MAML3: variants seen among roughly 807,000 people sequenced by gnomAD.
MAML3 encodes the protein mastermind like transcriptional coactivator 3.
A neutral mutation model predicts 101.9 loss-of-function variants in MAML3; 27 were observed. The ratio of observed to expected loss-of-function variants is 0.27; its 90% confidence interval spans 0.20 to 0.37. The LOEUF is 0.37. MAML3 is among the 10% of genes least tolerant of loss of function. The probability of loss-of-function intolerance (pLI) is 1.00; values close to 1 mark genes in which losing one functional copy is unlikely to be tolerated. For synonymous variants in MAML3, 501 were observed against 555.9 expected, an observed-to-expected ratio of 0.90 and a Z score of 1.39; for missense variants, 1,316 against 1,444.9, an observed-to-expected ratio of 0.91 and a Z score of 1.45.
intron 2 of MAML3, among the ~76,000 whole-genome samples, chr4:139,751,052 G>A (rs7663380): frequency 0.28 from 42,730 of 152,084 alleles, 6,105 homozygotes; most frequent in African/African-American, 0.3. Flanking sequence ...TCAGTCGTCC[G>A]TCTTCAGGGT....
At chr4:140,042,457 AC>A (rs1727101918) in intron 1 of MAML3, among the ~76,000 whole-genome samples, 1 of 151,864 alleles carries the variant, frequency 6.6e-6, no homozygotes, top group South Asian at 2.1e-4. Context: ...ACATGGTGAA[AC>A]CCCATCTCTA....
intron 2 of MAML3, among the ~76,000 whole-genome samples, chr4:139,802,858 T>C (rs1730632582): frequency 6.6e-6 from 1 of 152,240 alleles, no homozygotes; most frequent in Non-Finnish European, 1.5e-5. Context: ...ATTAAATATA[T>C]ACTTAAAGTG....
intron 2 of MAML3, among the ~76,000 whole-genome samples, chr4:139,871,778 A>G (rs1732011506): frequency 2.0e-5 from 3 of 152,178 alleles, no homozygotes; most frequent in Admixed American, 6.5e-5. Context: ...TCAACAGTCC[A>G]TTAAAAATAA....
chr4:140,125,965 A>G (rs1252740181), intron 1 of MAML3, among the ~76,000 whole-genome samples: 1 of 151,892 alleles, frequency 6.6e-6, no homozygotes, highest in African/African-American at 2.4e-5. Flanking sequence ...TTTAGTAGAG[A>G]CAGAGTTTCA....
chr4:139,865,493 T>TTG (rs1553961120), intron 2 of MAML3, among the ~76,000 whole-genome samples: 1,827 of 101,494 alleles, frequency 0.018, 54 homozygotes, highest in African/African-American at 0.11. Flanking sequence ...AGGTTTTTTT[T>TTG]TTGTTTTTTT....
At chr4:139,964,152 A>G (rs1056388710) in intron 1 of MAML3, among the ~76,000 whole-genome samples, 3 of 152,260 alleles carry the variant, frequency 2.0e-5, no homozygotes, top group African/African-American at 7.2e-5. Flanking sequence ...CGTTTATTGC[A>G]GCACTATTTA....
chr4:139,892,187 A>T (rs929860442), intron 1 of MAML3, among the ~76,000 whole-genome samples: 1 of 152,222 alleles, frequency 6.6e-6, no homozygotes, highest in African/African-American at 2.4e-5. Context: ...GCTCAGCTCC[A>T]CTAAATCCAA....
At chr4:139,923,883 T>C (rs980872691) in intron 1 of MAML3, among the ~76,000 whole-genome samples, 4 of 152,264 alleles carry the variant, frequency 2.6e-5, no homozygotes, top group Non-Finnish European at 4.4e-5. Context: ...GAAGAGAACG[T>C]TGCAAAAGAT....
chr4:139,820,419 T>A (rs952141636), intron 2 of MAML3, among the ~76,000 whole-genome samples: 1 of 152,208 alleles, frequency 6.6e-6, no homozygotes, highest in Non-Finnish European at 1.5e-5. Flanking sequence ...CTGATGAAAG[T>A]GTTTCTTCAA....
intron 1 of MAML3, among the ~76,000 whole-genome samples, chr4:140,045,136 C>CTA (rs1311915822): frequency 6.6e-6 from 1 of 152,160 alleles, no homozygotes; most frequent in Non-Finnish European, 1.5e-5. Context: ...TGGCTCATGC[C>CTA]TGTAATCCAA....
intron 2 of MAML3, among the ~76,000 whole-genome samples, chr4:139,789,277 G>A (rs1480256779): frequency 2.6e-5 from 4 of 152,122 alleles, no homozygotes; most frequent in Non-Finnish European, 5.9e-5. Context: ...CTTAAAAGAG[G>A]AACTCACAGT....
intron 1 of MAML3, among the ~76,000 whole-genome samples, chr4:140,054,610 T>C (rs1376842763): frequency 6.6e-6 from 1 of 152,222 alleles, no homozygotes; most frequent in East Asian, 1.9e-4. Context: ...TCAAGGCTTA[T>C]TTCTTATTTC....
chr4:140,044,354 G>A (rs1170898672), intron 1 of MAML3, among the ~76,000 whole-genome samples: 1 of 152,138 alleles, frequency 6.6e-6, no homozygotes, highest in Non-Finnish European at 1.5e-5. Context: ...GCTTCAACAT[G>A]GGGAATGAAA....
At chr4:140,124,414 T>C (rs1046311173) in intron 1 of MAML3, among the ~76,000 whole-genome samples, 10 of 152,188 alleles carry the variant, frequency 6.6e-5, no homozygotes, top group Non-Finnish European at 7.3e-5. Flanking sequence ...AAACCCCTTT[T>C]AAACAGCACT....
chr4:139,761,429 C>A (rs1201862046), intron 2 of MAML3, among the ~76,000 whole-genome samples: 1 of 152,152 alleles, frequency 6.6e-6, no homozygotes, highest in Non-Finnish European at 1.5e-5. Flanking sequence ...CAGTTGTTCC[C>A]CTTCTTCCTC....
At chr4:139,937,843 G>T (rs1352637406) in intron 1 of MAML3, among the ~76,000 whole-genome samples, 1 of 152,074 alleles carries the variant, frequency 6.6e-6, no homozygotes, top group Non-Finnish European at 1.5e-5. Context: ...GAATTTAGGA[G>T]AACTACATCC....
At chr4:139,745,956 G>T (rs1215031397) in intron 2 of MAML3, among the ~76,000 whole-genome samples, 1 of 152,154 alleles carries the variant, frequency 6.6e-6, no homozygotes, top group Admixed American at 6.5e-5. Context: ...TCCTTAACTT[G>T]TTTCTCCAAC....
chr4:139,962,114 TC>T (rs1196118402), intron 1 of MAML3, among the ~76,000 whole-genome samples: 2 of 151,016 alleles, frequency 1.3e-5, no homozygotes, highest in Non-Finnish European at 3.0e-5. Flanking sequence ...CAGGGTGAGA[TC>T]CTGTTTTTGT....
At chr4:139,948,727 A>G (rs963960568) in intron 1 of MAML3, among the ~76,000 whole-genome samples, 1 of 152,246 alleles carries the variant, frequency 6.6e-6, no homozygotes, top group Non-Finnish European at 1.5e-5. Flanking sequence ...TCTTCATATT[A>G]TCCATCAGTA....
Sources: gnomAD v4.1 joint callset for allele counts (sites outside exome capture counted in the v4.1 genomes callset) on GRCh38, gnomAD v4.1.1 for gene constraint, MANE v1.5 for transcripts, NCBI Gene and HGNC (gene_info 2026-07-23, HGNC 2026-07-21) for gene names.